KIAA1328: variants seen among roughly 807,000 people sequenced by gnomAD.
KIAA1328 encodes the protein KIAA1328.
KIAA1328 carries 52 observed loss-of-function variants against 68.1 expected under a neutral mutation model. The ratio of observed to expected loss-of-function variants is 0.76; its 90% CI spans 0.61 to 0.96. The LOEUF is 0.96. KIAA1328 is among the 40% of genes least tolerant of loss of function. KIAA1328 has a pLI of 0.00. For synonymous variants in KIAA1328, 232 were observed against 239.4 expected (o/e 0.97, Z 0.28); for missense variants, 641 against 677.6 (o/e 0.95, Z 0.60).
At chr18:36,940,830 C>T (rs892997033) in intron 5 of KIAA1328, among the ~76,000 whole-genome samples, 6 of 152,104 alleles carry the variant, frequency 3.9e-5, no homozygotes, top group African/African-American at 1.2e-4. Context: ...CACATGCCAC[C>T]ACGACCAGCT....
intron 7 of KIAA1328, among the ~76,000 whole-genome samples, chr18:37,134,087 C>G (rs532132895): frequency 9.2e-5 from 14 of 151,860 alleles, no homozygotes; most frequent in South Asian, 6.3e-4. Context: ...GATCTCGGCT[C>G]TCTGCAATCT....
intron 9 of KIAA1328, among the ~76,000 whole-genome samples, chr18:37,197,821 A>G (rs1261340402): frequency 2.0e-5 from 3 of 152,184 alleles, no homozygotes; most frequent in Non-Finnish European, 4.4e-5. Flanking sequence ...TACAGTTACA[A>G]TGTAGCCCAG....
intron 5 of KIAA1328, among the ~76,000 whole-genome samples, chr18:36,937,458 C>T (rs771537139): frequency 9.2e-5 from 14 of 152,218 alleles, no homozygotes; most frequent in Non-Finnish European, 1.5e-4. Flanking sequence ...GCAATCTACC[C>T]ATCCGACAAA....
At chr18:37,027,256 A>G (rs953750244) in intron 6 of KIAA1328, among the ~76,000 whole-genome samples, 2 of 152,210 alleles carry the variant, frequency 1.3e-5, no homozygotes, top group African/African-American at 4.8e-5. Context: ...ATGCTCATGG[A>G]TAGGAAGAAT....
chr18:37,023,152 TC>T (rs1476434214), intron 6 of KIAA1328, among the ~76,000 whole-genome samples: 2 of 152,216 alleles, frequency 1.3e-5, no homozygotes, highest in Admixed American at 1.3e-4. Context: ...TGCCTTGGCC[TC>T]CCCAAGTGCT....
chr18:37,203,967 A>T lies in KIAA1328; in HGVS notation c.1524-18050A>T, dbSNP rs577802213. Among the ~76,000 whole-genome samples the T allele has an allele frequency of 1.2e-4, 19 of 152,056 alleles. No homozygotes were observed. The East Asian group carries it at 3.7e-3, about 29-fold the overall frequency. ...TGGGACTACAGGCGCCCGCCACCAC[A>T]CGCAGCTAATTTTTTTGTATGTTTA... On this transcript the variant is annotated intron_variant, in intron 9 of 9. Transcript: ENST00000280020.
intron 5 of KIAA1328, among the ~76,000 whole-genome samples, chr18:36,945,591 T>G (rs2050870884): frequency 6.6e-6 from 1 of 152,218 alleles, no homozygotes; most frequent in Admixed American, 6.5e-5. Flanking sequence ...TGAATGTGTT[T>G]GATTTTCACT....
chr18:36,876,250 C>A (rs1031623885), intron 4 of KIAA1328, among the ~76,000 whole-genome samples: 2 of 152,158 alleles, frequency 1.3e-5, no homozygotes, highest in Admixed American at 6.5e-5. Flanking sequence ...GGTACCAGCT[C>A]CTCTTTGTAC....
intron 6 of KIAA1328, among the ~76,000 whole-genome samples, chr18:36,970,608 TCA>T (rs2052157297): frequency 6.6e-6 from 1 of 152,220 alleles, no homozygotes; most frequent in Admixed American, 6.5e-5. Context: ...CAGCAAAGTC[TCA>T]GGATACAAAA....
chr18:37,072,192 A>T (rs1338171604), intron 7 of KIAA1328, among the ~76,000 whole-genome samples: 3 of 151,718 alleles, frequency 2.0e-5, no homozygotes, highest in Non-Finnish European at 4.4e-5. Flanking sequence ...TTATTCTTTA[A>T]GGTAAGCCTG....
chr18:37,228,240 TTGAAA>T, downstream of KIAA1328, among the ~76,000 whole-genome samples: 1 of 152,304 alleles, frequency 6.6e-6, no homozygotes, highest in Admixed American at 6.5e-5. Context: ...ATGAACATAA[TTGAAA>T]TGACAACAAA....
At chr18:36,873,737 G>A (rs1417854780) in intron 4 of KIAA1328, among the ~76,000 whole-genome samples, 2 of 152,002 alleles carry the variant, frequency 1.3e-5, no homozygotes, top group South Asian at 4.2e-4. Flanking sequence ...TGTGCAGAAC[G>A]TGCAGGTTTG....
At chr18:37,022,699 G>A (rs866342639) in intron 6 of KIAA1328, among the ~76,000 whole-genome samples, 1 of 152,148 alleles carries the variant, frequency 6.6e-6, no homozygotes, top group African/African-American at 2.4e-5. Context: ...CTATCATAGT[G>A]TCAAATTTAC....
chr18:37,059,162 A>G (rs2056047584), intron 6 of KIAA1328, among the ~76,000 whole-genome samples: 1 of 152,112 alleles, frequency 6.6e-6, no homozygotes, highest in Admixed American at 6.5e-5. Flanking sequence ...GTAAAATGGT[A>G]ATTATAATAA....
At chr18:36,840,659 A>G (rs2046829430) in intron 3 of KIAA1328, among the ~76,000 whole-genome samples, 1 of 151,898 alleles carries the variant, frequency 6.6e-6, no homozygotes, top group African/African-American at 2.4e-5. Context: ...CACTATGTTG[A>G]CCAGGCTGGT....
chr18:37,169,136 T>TTTTATTTATTTATTTA (rs202034975), intron 8 of KIAA1328, among the ~76,000 whole-genome samples: 2 of 148,890 alleles, frequency 1.3e-5, no homozygotes, highest in African/African-American at 4.9e-5. Context: ...CTTAACAGCA[T>TTTTATTTATTTATTTA]TTTATTTATT....
rs901873257 is a variant in KIAA1328, at chr18:37,223,917, T to A, written c.*1690T>A. On this transcript the variant is annotated 3_prime_UTR_variant, in exon 10 of 10. Transcript: ENST00000280020. ...ATATAAAGTCAAGACTAACTAGTTATAATCATTCCCTTAAAAAGTTGGAAA... is the reference window on the plus strand; with the variant it reads ...ATATAAAGTCAAGACTAACTAGTTAAAATCATTCCCTTAAAAAGTTGGAAA... The A allele has an allele frequency of 1.0e-6, 1 of 983,084 alleles. No homozygotes were observed. Among genetic ancestry groups the A allele is most frequent in the Non-Finnish European group, 1.2e-6 (1 of 827,946 alleles). The allele number at this position is 983,084 out of a possible 1,614,324, so 60.9% of individuals were successfully genotyped here.
At chr18:37,096,981 C>G (rs975648719) in intron 7 of KIAA1328, among the ~76,000 whole-genome samples, 7 of 150,412 alleles carry the variant, frequency 4.7e-5, no homozygotes, top group African/African-American at 1.5e-4. Context: ...TTAGCCCTTT[C>G]TCAGATGAGT....
At chr18:37,104,080 T>C (rs2057702083) in intron 7 of KIAA1328, among the ~76,000 whole-genome samples, 1 of 152,170 alleles carries the variant, frequency 6.6e-6, no homozygotes, top group Non-Finnish European at 1.5e-5. Flanking sequence ...GAATGGAAAT[T>C]AATGCAGTTA....
Sources: gnomAD v4.1 joint callset for allele counts (sites outside exome capture counted in the v4.1 genomes callset) on GRCh38, gnomAD v4.1.1 for gene constraint, MANE v1.5 for transcripts, NCBI Gene and HGNC (gene_info 2026-07-23, HGNC 2026-07-21) for gene names.